Variants in ARHGEF26 observed in about 807,000 individuals in gnomAD.
ARHGEF26 encodes the protein Rho guanine nucleotide exchange factor (GEF) 26.
A neutral mutation model predicts 89.4 loss-of-function variants in ARHGEF26; 59 were observed. The ratio of observed to expected loss-of-function variants is 0.66; its 90% CI spans 0.54 to 0.82. The LOEUF (loss-of-function observed/expected upper bound fraction) is 0.82, where lower values mean the gene tolerates loss of function less well. ARHGEF26 is among the 40% of genes least tolerant of loss of function. The pLI is 0.00. For synonymous variants in ARHGEF26, 500 were observed against 428.4 expected, an observed-to-expected ratio of 1.17 and a Z score of -2.06; for missense variants, 1,234 against 1,085.6, an observed-to-expected ratio of 1.14 and a Z score of -1.92.
chr3:154,207,444 T>G (rs1411605180), intron 9 of ARHGEF26, among the ~76,000 whole-genome samples: 2 of 151,940 alleles, frequency 1.3e-5, no homozygotes, highest in Non-Finnish European at 2.9e-5. Context: ...GCAAAGGACA[T>G]GAACAGACAC....
intron 6 of ARHGEF26, among the ~76,000 whole-genome samples, chr3:154,169,246 G>A (rs1347190934): frequency 3.3e-5 from 5 of 151,938 alleles, no homozygotes; most frequent in South Asian, 2.1e-4. Context: ...TGAGTGACAA[G>A]TATAGTCGAT....
intron 4 of ARHGEF26, among the ~76,000 whole-genome samples, chr3:154,137,384 G>A (rs1165827578): frequency 2.6e-5 from 4 of 152,100 alleles, no homozygotes; most frequent in Non-Finnish European, 5.9e-5. Flanking sequence ...ACCAAATGTA[G>A]CCCCTCAGCC....
chr3:154,197,313 A>G (rs1026352865), intron 9 of ARHGEF26, among the ~76,000 whole-genome samples: 3 of 152,210 alleles, frequency 2.0e-5, no homozygotes, highest in African/African-American at 7.2e-5. Context: ...TGTAAAGGTT[A>G]CTGATGAGGT....
intron 9 of ARHGEF26, among the ~76,000 whole-genome samples, chr3:154,203,125 G>A (rs1161428959): frequency 6.6e-6 from 1 of 152,114 alleles, no homozygotes; most frequent in Non-Finnish European, 1.5e-5. Flanking sequence ...GTATGATATT[G>A]GCTATGGGTT....
At position 154,217,893 on chromosome 3, in the gene ARHGEF26, G is replaced by T; in HGVS notation, c.1870G>T (p.Ala624Ser). The T allele has an allele frequency of 1.2e-6, 2 of 1,602,132 alleles. No individual in the cohort carries two copies. The highest frequency in any genetic ancestry group is 1.7e-6 in the Non-Finnish European group (2 of 1,174,092). The change falls in exon 10 of 15, where the codon GCC becomes TCC. Residue 624 changes from alanine (A) to serine (S), a missense_variant. Ala to Ser is a moderately conservative substitution (Grantham distance 99). Coordinates refer to ENST00000465093, the MANE Select transcript of ARHGEF26 (RefSeq NM_015595.4). ...SKLVRLCNEGARKMERTEMMY... is the reference protein window; with the variant it reads ...SKLVRLCNEGSRKMERTEMMY... The stretch of plus-strand genomic sequence containing the variant: ...GTTGGTTCGACTATGCAATGAGGGC[G>T]CCCGGAAGATGGAAAGGACTGAGAT...
At chr3:154,173,159 G>A (rs144076082) in intron 6 of ARHGEF26, among the ~76,000 whole-genome samples, 125 of 152,188 alleles carry the variant, frequency 8.2e-4, no homozygotes, top group African/African-American at 2.7e-3. Flanking sequence ...TTATTAGAAA[G>A]GTTTACATGG....
At chr3:154,167,490 A>G (rs1034027103) in intron 6 of ARHGEF26, among the ~76,000 whole-genome samples, 3 of 152,174 alleles carry the variant, frequency 2.0e-5, no homozygotes, top group African/African-American at 7.2e-5. Flanking sequence ...TAATTCAAAT[A>G]TAATTCAGTC....
chr3:154,164,663 A>C (rs1711889712), intron 6 of ARHGEF26, among the ~76,000 whole-genome samples: 1 of 152,172 alleles, frequency 6.6e-6, no homozygotes, highest in East Asian at 1.9e-4. Context: ...CTAGCAGAGA[A>C]GAGTAATACG....
At chr3:154,209,147 T>C (rs1171455713) in intron 9 of ARHGEF26, among the ~76,000 whole-genome samples, 3 of 152,196 alleles carry the variant, frequency 2.0e-5, no homozygotes, top group Non-Finnish European at 4.4e-5. Context: ...TTAGCTGGTA[T>C]AATTCTGAAT....
chr3:154,141,830 G>A (rs1032618230), intron 4 of ARHGEF26, among the ~76,000 whole-genome samples: 1 of 152,028 alleles, frequency 6.6e-6, no homozygotes, highest in Non-Finnish European at 1.5e-5. Context: ...AATAGATAAC[G>A]ATCACTTCAT....
At chr3:154,209,498 C>T (rs1225300357) in intron 9 of ARHGEF26, among the ~76,000 whole-genome samples, 2 of 152,208 alleles carry the variant, frequency 1.3e-5, no homozygotes, top group Non-Finnish European at 2.9e-5. Context: ...CGCTGTGGTT[C>T]TTGCAGATTC....
At chr3:154,185,884 A>G (rs1486025495) in intron 6 of ARHGEF26, among the ~76,000 whole-genome samples, 1 of 152,152 alleles carries the variant, frequency 6.6e-6, no homozygotes, top group Non-Finnish European at 1.5e-5. Context: ...TGGAGATTCC[A>G]GGTATTTCAA....
intron 4 of ARHGEF26, among the ~76,000 whole-genome samples, chr3:154,144,982 C>G (rs1283634048): frequency 6.6e-6 from 1 of 152,100 alleles, no homozygotes; most frequent in African/African-American, 2.4e-5. Context: ...GTTTACCCAC[C>G]ACTCCCCAGA....
At chr3:154,208,953 G>A (rs1358343407) in intron 9 of ARHGEF26, among the ~76,000 whole-genome samples, 10 of 151,750 alleles carry the variant, frequency 6.6e-5, no homozygotes, top group African/African-American at 2.2e-4. Flanking sequence ...TTTTAGTGGA[G>A]ACGGGGTTTC....
At chr3:154,195,459 T>G (rs1432878715) in intron 9 of ARHGEF26, among the ~76,000 whole-genome samples, 1 of 152,108 alleles carries the variant, frequency 6.6e-6, no homozygotes, top group African/African-American at 2.4e-5. Flanking sequence ...AGGCCAGTGA[T>G]AGTTGATTAG....
intron 12 of ARHGEF26, among the ~76,000 whole-genome samples, chr3:154,252,523 T>A (rs755562889): frequency 6.6e-6 from 1 of 152,220 alleles, no homozygotes; most frequent in Non-Finnish European, 1.5e-5. Flanking sequence ...CTTAATATTA[T>A]ATTAAAAGTA....
chr3:154,171,807 A>G (rs1362080329), intron 6 of ARHGEF26, among the ~76,000 whole-genome samples: 1 of 152,134 alleles, frequency 6.6e-6, no homozygotes, highest in African/African-American at 2.4e-5. Flanking sequence ...CTAGAGATAG[A>G]GAAGTTAAAG....
At chr3:154,239,069 T>C (rs114260921) in intron 11 of ARHGEF26, among the ~76,000 whole-genome samples, 2,343 of 151,474 alleles carry the variant, frequency 0.015, 58 homozygotes, top group African/African-American at 0.054. Flanking sequence ...TACAGAGAGT[T>C]TGTAGTTGAT....
At chr3:154,154,891 C>T (rs1490679741) in intron 6 of ARHGEF26, among the ~76,000 whole-genome samples, 4 of 152,002 alleles carry the variant, frequency 2.6e-5, no homozygotes, top group Non-Finnish European at 5.9e-5. Context: ...TTTGTGCTTA[C>T]ACCCTGCTAT....
Sources: gnomAD v4.1 joint callset for allele counts (sites outside exome capture counted in the v4.1 genomes callset) on GRCh38, gnomAD v4.1.1 for gene constraint, MANE v1.5 for transcripts, NCBI Gene and HGNC (gene_info 2026-07-23, HGNC 2026-07-21) for gene names.